SHQ1: variants seen among roughly 807,000 people sequenced by gnomAD.
SHQ1 encodes the protein SHQ1, H/ACA ribonucleoprotein assembly factor.
Under a neutral mutation model 53.8 loss-of-function variants are expected in SHQ1, and 49 were observed. The ratio of observed to expected loss-of-function variants is 0.91; its 90% CI spans 0.72 to 1.16. The LOEUF (loss-of-function observed/expected upper bound fraction) is 1.16, where lower values mean the gene tolerates loss of function less well. Ranked by LOEUF, SHQ1 falls within the 50% of genes most tolerant of loss-of-function variation. The pLI, the probability that SHQ1 is intolerant of heterozygous loss-of-function variation, is 0.00. For missense variants in SHQ1, 738 were observed against 683.1 expected (o/e 1.08, Z -0.90); for synonymous variants, 243 against 251.0 (o/e 0.97, Z 0.30).
At chr3:72,772,689 T>C in intron 10 of SHQ1, 1 of 726,808 alleles carries the variant, frequency 1.4e-6, no homozygotes, top group Middle Eastern at 2.3e-4. Flanking sequence ...AGTAAGAGCT[T>C]GATGGTGCAC....
chr3:72,768,655 C>T (rs1046919442), intron 10 of SHQ1, among the ~76,000 whole-genome samples: 1 of 152,204 alleles, frequency 6.6e-6, no homozygotes, highest in Non-Finnish European at 1.5e-5. Flanking sequence ...AACAGGGCTG[C>T]TATCCATGTC....
At chr3:72,781,248 G>A (rs948683990) in intron 10 of SHQ1, among the ~76,000 whole-genome samples, 1 of 151,820 alleles carries the variant, frequency 6.6e-6, no homozygotes, top group Non-Finnish European at 1.5e-5. Flanking sequence ...TAGAGATGGG[G>A]TTTCACCATG....
chr3:72,734,965 A>T, the SHQ1 span, among the ~76,000 whole-genome samples: 7 of 151,644 alleles, frequency 4.6e-5, no homozygotes, highest in East Asian at 1.4e-3. Flanking sequence ...GTGGAATGGG[A>T]GTGCCAGGCG....
chr3:72,737,342 G>A, the SHQ1 span, among the ~76,000 whole-genome samples: 6 of 152,022 alleles, frequency 3.9e-5, no homozygotes, highest in East Asian at 3.9e-4. Flanking sequence ...CCACAGCCAC[G>A]GAAGGGGAGA....
chr3:72,820,300 C>G (rs1259967720), intron 6 of SHQ1, among the ~76,000 whole-genome samples: 2 of 152,182 alleles, frequency 1.3e-5, no homozygotes, highest in African/African-American at 4.8e-5. Flanking sequence ...GAAAAACCTA[C>G]TTGAATTATT....
intron 10 of SHQ1, among the ~76,000 whole-genome samples, chr3:72,759,071 C>T (rs1201043755): frequency 6.6e-6 from 1 of 152,192 alleles, no homozygotes; most frequent in Non-Finnish European, 1.5e-5. Context: ...TGGCCATCTT[C>T]ACTCTGTTTG....
chr3:72,807,884 C>A (rs985908887), intron 9 of SHQ1, among the ~76,000 whole-genome samples: 2 of 152,110 alleles, frequency 1.3e-5, no homozygotes, highest in Admixed American at 1.3e-4. Flanking sequence ...TAAGTAAGGG[C>A]TATTAATTAC....
At chr3:72,791,739 A>G (rs960786934) in intron 10 of SHQ1, among the ~76,000 whole-genome samples, 8 of 152,042 alleles carry the variant, frequency 5.3e-5, no homozygotes, top group Non-Finnish European at 1.0e-4. Flanking sequence ...TTTAATACAG[A>G]CAGGGTCTCA....
intron 4 of SHQ1, 31 bp from the exon 5 acceptor site, chr3:72,832,512 G>A (rs1334080771): frequency 6.8e-7 from 1 of 1,460,220 alleles, no homozygotes; most frequent in South Asian, 1.2e-5. Flanking sequence ...AAGAATAATT[G>A]CTATCTCCTA....
At chr3:72,745,290 T>C (rs1227932987), downstream of SHQ1, among the ~76,000 whole-genome samples, 1 of 152,166 alleles carries the variant, frequency 6.6e-6, no homozygotes, top group Non-Finnish European at 1.5e-5. Context: ...TCCCCAGCTG[T>C]CAACCAATTT....
At chr3:72,743,270 T>G in the SHQ1 span, among the ~76,000 whole-genome samples, 4 of 152,344 alleles carry the variant, frequency 2.6e-5, no homozygotes, top group South Asian at 4.1e-4. Context: ...CAGAAGGACC[T>G]GGCCCTGATT....
chr3:72,846,105 A>G, intron 1 of SHQ1: 2 of 1,083,724 alleles, frequency 1.8e-6, no homozygotes, highest in Non-Finnish European at 2.7e-6. Flanking sequence ...AGTGGCCGGC[A>G]CAACAGGTGA....
chr3:72,824,215 A>G (rs973771620), intron 6 of SHQ1, among the ~76,000 whole-genome samples: 7 of 152,252 alleles, frequency 4.6e-5, no homozygotes, highest in Admixed American at 3.3e-4. Flanking sequence ...CCATACTTCA[A>G]AAGAATTTTC....
chr3:72,758,168 A>G (rs1305603825), intron 10 of SHQ1, among the ~76,000 whole-genome samples: 2 of 152,182 alleles, frequency 1.3e-5, no homozygotes, highest in Non-Finnish European at 2.9e-5. Context: ...GCCAAGAAAA[A>G]CAAATACCAA....
At chr3:72,738,517 C>T in the SHQ1 span, among the ~76,000 whole-genome samples, 1 of 152,012 alleles carries the variant, frequency 6.6e-6, no homozygotes, top group Non-Finnish European at 1.5e-5. Flanking sequence ...ATCTGCTTCG[C>T]GCCAATTTCA....
chr3:72,785,515 G>C (rs1443145424), intron 10 of SHQ1, among the ~76,000 whole-genome samples: 1 of 152,216 alleles, frequency 6.6e-6, no homozygotes, highest in Non-Finnish European at 1.5e-5. Context: ...ACACAGACTA[G>C]AGAGATAGGA....
At chr3:72,814,086 T>C (rs1439975308) in intron 8 of SHQ1, among the ~76,000 whole-genome samples, 4 of 152,158 alleles carry the variant, frequency 2.6e-5, no homozygotes, top group Admixed American at 2.6e-4. Context: ...GGGAGAAAGA[T>C]AATTTACATG....
chr3:72,824,280 TCATTTCCAAAA>T lies in SHQ1; in HGVS notation c.727+133_727+143del, dbSNP rs1339461625. 3.2e-4 allele frequency: 305 copies of T among 965,750 alleles called. No individual in the cohort carries two copies. In the African/African-American group the frequency reaches 4.8e-3, roughly 15 times the overall value. The allele number at this position is 965,750 out of a possible 1,614,324, so 59.8% of individuals were successfully genotyped here. A position where few individuals can be genotyped will look rare whatever the true frequency, so the allele number is the denominator to read the frequency against. ...CATTTTCCAGTCAGGGGCAAAGAAG[TCATTTCCAAAA>T]TTAGCAATTCAAACTCATATTTTAA... On this transcript the variant is annotated intron_variant, in intron 6 of 10. Coordinates refer to ENST00000325599, the MANE Select transcript of SHQ1 (RefSeq NM_018130.3).
the SHQ1 span, among the ~76,000 whole-genome samples, chr3:72,742,287 G>A: frequency 2.6e-5 from 4 of 151,554 alleles, no homozygotes; most frequent in East Asian, 7.7e-4. Context: ...TGCTGAGGAA[G>A]CACCTAGAGG....
Sources: gnomAD v4.1 joint callset for allele counts (sites outside exome capture counted in the v4.1 genomes callset) on GRCh38, gnomAD v4.1.1 for gene constraint, MANE v1.5 for transcripts, NCBI Gene and HGNC (gene_info 2026-07-23, HGNC 2026-07-21) for gene names.